Variants in DPP10 observed in about 807,000 individuals in gnomAD.
DPP10 encodes the protein dipeptidyl peptidase like 10.
DPP10 carries 33 observed loss-of-function variants against 120.9 expected under a neutral mutation model. That is an observed-to-expected ratio of 0.27 (90% CI 0.21 to 0.37). The LOEUF (loss-of-function observed/expected upper bound fraction) is 0.37. Ranked by LOEUF, DPP10 falls within the 10% of genes least tolerant of loss-of-function variation. The probability of loss-of-function intolerance (pLI) is 1.00; values close to 1 mark genes in which losing one functional copy is unlikely to be tolerated. For synonymous variants in DPP10, 337 were observed against 326.1 expected (o/e 1.03, Z -0.36); for missense variants, 816 against 942.8 (o/e 0.87, Z 1.76).
At chr2:115,032,938 T>C (rs1218601874) in intron 1 of DPP10, among the ~76,000 whole-genome samples, 1 of 151,302 alleles carries the variant, frequency 6.6e-6, no homozygotes, top group Non-Finnish European at 1.5e-5. Flanking sequence ...CATTGTTAGG[T>C]AGACTTTATA....
At chr2:115,281,402 A>G (rs2060152121) in intron 1 of DPP10, among the ~76,000 whole-genome samples, 1 of 152,166 alleles carries the variant, frequency 6.6e-6, no homozygotes, top group Non-Finnish European at 1.5e-5. Context: ...GACACCACAG[A>G]CATGAAAGCT....
chr2:114,629,932 A>C (rs1029326931), intron 1 of DPP10, among the ~76,000 whole-genome samples: 5 of 152,200 alleles, frequency 3.3e-5, no homozygotes, highest in Non-Finnish European at 7.4e-5. Flanking sequence ...AAAATCAATG[A>C]TACAGATGCA....
chr2:114,889,796 G>A (rs940995100), intron 1 of DPP10, among the ~76,000 whole-genome samples: 11 of 152,128 alleles, frequency 7.2e-5, no homozygotes, highest in Non-Finnish European at 1.0e-4. Context: ...TGATTGTCAC[G>A]ATTCAATCCC....
chr2:114,946,622 A>G (rs1697364464), intron 1 of DPP10, among the ~76,000 whole-genome samples: 1 of 152,132 alleles, frequency 6.6e-6, no homozygotes, highest in East Asian at 1.9e-4. Flanking sequence ...GTGTAAAACC[A>G]ATCTTGAATC....
intron 2 of DPP10, among the ~76,000 whole-genome samples, chr2:115,336,268 T>C (rs192312365): frequency 6.6e-6 from 1 of 152,004 alleles, no homozygotes; most frequent in African/African-American, 2.4e-5. Context: ...AAGGACCAAA[T>C]AGAGCACAGA....
At chr2:114,495,382 T>C (rs78530150) in intron 1 of DPP10, among the ~76,000 whole-genome samples, 2,961 of 152,310 alleles carry the variant, frequency 0.019, 99 homozygotes, top group African/African-American at 0.067. Flanking sequence ...AAGTTTTTTA[T>C]ACTATAAGTG....
chr2:114,854,295 T>A (rs1238748149), intron 1 of DPP10, among the ~76,000 whole-genome samples: 1 of 152,230 alleles, frequency 6.6e-6, no homozygotes, highest in East Asian at 1.9e-4. Context: ...TTTAACTTAC[T>A]ATTTATCCTT....
rs150450536 is a variant in DPP10, at chr2:114,696,711, C to A, written c.60+253873C>A. Reference sequence around the variant, plus strand: ...TACTAAAGAAATAATGGTGAGCTAACCTAAACTCTGCGTGTGTGTGTGCGC... The same window carrying A: ...TACTAAAGAAATAATGGTGAGCTAAACTAAACTCTGCGTGTGTGTGTGCGC... On this transcript the variant is annotated intron_variant, in intron 1 of 25. Coordinates refer to ENST00000410059, the MANE Select transcript of DPP10 (RefSeq NM_020868.6). 4.6e-3 allele frequency among the ~76,000 whole-genome samples: 700 copies of A among 151,682 alleles called. 3 individuals are homozygous for A. Among genetic ancestry groups the A allele is most frequent in the South Asian group, 8.8e-3 (42 of 4,794 alleles).
intron 1 of DPP10, among the ~76,000 whole-genome samples, chr2:114,816,085 A>G (rs923737639): frequency 6.6e-6 from 1 of 152,176 alleles, no homozygotes; most frequent in African/African-American, 2.4e-5. Flanking sequence ...AATAAAATGC[A>G]GTCTGCTTAT....
At chr2:115,332,162 T>C (rs2106177482) in intron 2 of DPP10, among the ~76,000 whole-genome samples, 1 of 152,284 alleles carries the variant, frequency 6.6e-6, no homozygotes, top group African/African-American at 2.4e-5. Context: ...GGAGGGTGTG[T>C]GTGTCCAGGA....
At chr2:115,644,636 T>C (rs1206517476) in intron 5 of DPP10, among the ~76,000 whole-genome samples, 1 of 148,190 alleles carries the variant, frequency 6.7e-6, no homozygotes, top group Non-Finnish European at 1.5e-5. Flanking sequence ...AAAAAATAGC[T>C]AGGCATGGTG....
intron 1 of DPP10, among the ~76,000 whole-genome samples, chr2:114,548,476 G>A (rs1005823597): frequency 1.3e-5 from 2 of 152,192 alleles, no homozygotes; most frequent in East Asian, 1.9e-4. Flanking sequence ...CTCCTTACTC[G>A]TCTTTGAGAA....
chr2:114,720,759 C>G (rs1394965305), intron 1 of DPP10, among the ~76,000 whole-genome samples: 2 of 152,098 alleles, frequency 1.3e-5, no homozygotes, highest in Non-Finnish European at 2.9e-5. Context: ...TTTCTTGGAC[C>G]CTTAATAAGG....
At chr2:114,532,674 A>G (rs942005612) in intron 1 of DPP10, among the ~76,000 whole-genome samples, 8 of 152,162 alleles carry the variant, frequency 5.3e-5, no homozygotes, top group Non-Finnish European at 4.4e-5. Flanking sequence ...TATGTGGATT[A>G]GTTTTGAAAT....
intron 1 of DPP10, among the ~76,000 whole-genome samples, chr2:114,745,870 C>T (rs1231376950): frequency 6.6e-6 from 1 of 152,170 alleles, no homozygotes. Flanking sequence ...TTCACGTAGT[C>T]CCCACTGTCC....
intron 7 of DPP10, among the ~76,000 whole-genome samples, chr2:115,698,341 G>A (rs2091707607): frequency 6.6e-6 from 1 of 152,154 alleles, no homozygotes; most frequent in Non-Finnish European, 1.5e-5. Context: ...ATACCAAAAT[G>A]TATGAGATGC....
intron 25 of DPP10, among the ~76,000 whole-genome samples, chr2:115,841,685 AT>A (rs950466433): frequency 6.6e-6 from 1 of 152,172 alleles, no homozygotes; most frequent in Admixed American, 6.5e-5. Flanking sequence ...TAATATTTGT[AT>A]TTTTTATTTG....
chr2:115,608,874 C>CAA (rs2083889621), intron 5 of DPP10, among the ~76,000 whole-genome samples: 1 of 151,530 alleles, frequency 6.6e-6, no homozygotes, highest in South Asian at 2.1e-4. Flanking sequence ...TTATGTTAGA[C>CAA]AAAGTTGAAG....
intron 7 of DPP10, among the ~76,000 whole-genome samples, chr2:115,719,033 T>C (rs1278822162): frequency 2.0e-5 from 3 of 152,220 alleles, no homozygotes; most frequent in Non-Finnish European, 4.4e-5. Context: ...TTTTTCTTAA[T>C]GTTTTCAATT....
Sources: allele counts gnomAD v4.1 joint callset (sites outside exome capture counted in the v4.1 genomes callset), GRCh38; gene constraint gnomAD v4.1.1; transcripts MANE v1.5; gene names NCBI Gene and HGNC (gene_info 2026-07-23, HGNC 2026-07-21).